Variants in CHERP observed in about 807,000 individuals in gnomAD.
CHERP encodes ERPROT 213-21.
Under a neutral mutation model 113.8 loss-of-function variants are expected in CHERP, and 8 were observed. The observed-to-expected ratio is 0.07, with a 90% CI of 0.04 to 0.13. The LOEUF is 0.13. CHERP is among the 10% of genes least tolerant of loss of function. The pLI, the probability that CHERP is intolerant of heterozygous loss-of-function variation, is 1.00. For missense variants in CHERP, 884 were observed against 1,298.2 expected (o/e 0.68, Z 4.90); for synonymous variants, 559 against 524.5 (o/e 1.07, Z -0.90).
In CHERP at chr19:16,518,162, G is replaced by A. The variant is rs574521135; in HGVS notation, c.*997C>T. On this transcript the variant is annotated 3_prime_UTR_variant, in exon 17 of 17. Transcript: ENST00000546361. ...ACACCAGGTGTGGCCGATTCCCAAC[G>A]GTCACCCACCAGCTTCTGGCAGGAG... The A allele has an allele frequency of 6.6e-6, 1 of 152,034 alleles. No homozygotes were observed. Among genetic ancestry groups the A allele is most frequent in the Non-Finnish European group, 1.5e-5 (1 of 68,012 alleles). 9.4% of individuals were successfully genotyped at this position (152,034 alleles called of 1,614,324 possible). A position where few individuals can be genotyped will look rare whatever the true frequency, so the allele number is the denominator to read the frequency against.
intron 8 of CHERP, among the ~76,000 whole-genome samples, chr19:16,529,018 C>T (rs1467641796): frequency 3.3e-5 from 5 of 152,186 alleles, no homozygotes; most frequent in Non-Finnish European, 7.3e-5. Flanking sequence ...ATTTCCGTGT[C>T]TTTTTCAGAA....
intron 2 of CHERP, among the ~76,000 whole-genome samples, chr19:16,537,648 C>A (rs536218863): frequency 1.3e-5 from 2 of 152,256 alleles, no homozygotes; most frequent in South Asian, 2.1e-4. Context: ...AGTGTCAAGG[C>A]GGCCTCCGAG....
At chr19:16,522,523 T>C (rs2122247667) in intron 11 of CHERP, among the ~76,000 whole-genome samples, 1 of 152,276 alleles carries the variant, frequency 6.6e-6, no homozygotes, top group African/African-American at 2.4e-5. Flanking sequence ...CCTCCCAAAG[T>C]GCTGGGATTA....
Position 16,529,709 on chromosome 19 carries a change from T to C in CHERP, c.1068A>G (p.Pro356=), listed in dbSNP as rs747599475. The C allele has an allele frequency of 1.3e-6, 2 of 1,591,990 alleles. No homozygotes were observed. The highest frequency in any genetic ancestry group is 1.7e-5 in the Admixed American group (1 of 57,358). Residue 356 remains proline (P), a synonymous_variant, in exon 8 of 17, where the codon CCA becomes CCG. Transcript: ENST00000546361. ...QMEAEVKATP[P]PPAPPPAPAP... is the part of the protein sequence containing the mutation. ...CTGGGGCCGGGGGTGGAGCAGGCGG[T>C]GGAGGCGTGGCCTTGACTTCAGCCT...
In CHERP at chr19:16,532,535, C is replaced by A. The variant is rs1599752441; in HGVS notation, c.674+63G>T. ...AGCTACCGACCGGAGCAAGCGGCCA[C>A]CCAGGAGGGTTGAGGAGGAGCGCGA... On this transcript the variant is annotated intron_variant, in intron 5 of 16. Coordinates refer to ENST00000546361, the MANE Select transcript of CHERP (RefSeq NM_006387.6). The surrounding 1 kb of genome is among the most constrained non-coding windows in gnomAD (Gnocchi z 4.4). 8 of 1,496,876 alleles carry A rather than the reference C, an allele frequency of 5.3e-6. No individual in the cohort carries two copies. The East Asian group carries it at 2.0e-4, about 37-fold the overall frequency. The allele number at this position is 1,496,876 out of a possible 1,614,324, so 92.7% of individuals were successfully genotyped here.
chr19:16,534,051 TC>T (rs1283134058), intron 3 of CHERP, among the ~76,000 whole-genome samples: 28 of 138,092 alleles, frequency 2.0e-4, no homozygotes, highest in African/African-American at 5.8e-4. Flanking sequence ...AACTTTCTTT[TC>T]TTTTCTTTTT....
rs554668877 is a variant in CHERP, at chr19:16,530,028, C to T, written c.877-128G>A. ...GGGGCAGGTGGACAGGGAACCGTCA[C>T]GTGAAACAGCCAACACAGTCTGGGC... On this transcript the variant is annotated intron_variant, in intron 7 of 16. Coordinates refer to ENST00000546361, the MANE Select transcript of CHERP (RefSeq NM_006387.6). The surrounding 1 kb of genome is among the most constrained non-coding windows in gnomAD (Gnocchi z 4.1). 1.1e-4 allele frequency: 139 copies of T among 1,217,474 alleles called. No homozygotes were observed. The highest frequency in any genetic ancestry group is 2.0e-4 in the East Asian group (8 of 39,108). The allele number at this position is 1,217,474 out of a possible 1,614,324, so 75.4% of individuals were successfully genotyped here. A position where few individuals can be genotyped will look rare whatever the true frequency, so the allele number is the denominator to read the frequency against.
At chr19:16,538,164 C>G (rs776637667) in intron 2 of CHERP, among the ~76,000 whole-genome samples, 1 of 152,030 alleles carries the variant, frequency 6.6e-6, no homozygotes, top group Non-Finnish European at 1.5e-5. Flanking sequence ...CGACTCCTCC[C>G]CAAGCCAGGC....
At position 16,520,984 on chromosome 19, in the gene CHERP, G is replaced by A. The variant is rs1030211103; in HGVS notation, c.2115-72C>T. The A allele has an allele frequency of 7.6e-7, 1 of 1,314,498 alleles. No homozygotes were observed. Among genetic ancestry groups the A allele is most frequent in the East Asian group, 2.3e-5 (1 of 43,532 alleles). The allele number at this position is 1,314,498 out of a possible 1,614,324, so 81.4% of individuals were successfully genotyped here. ...AAGGAAGTCGTGAAAAAGTCATCAG[G>A]AGTTAATCCACAGAACCTTGGAGAG... On this transcript the variant is annotated intron_variant, in intron 12 of 16. Coordinates refer to ENST00000546361, the MANE Select transcript of CHERP (RefSeq NM_006387.6). This position sits in a 1 kb window ranked among gnomAD's most constrained non-coding sequence, Gnocchi z 4.0.
In CHERP at chr19:16,519,446, G is replaced by A; in HGVS notation, c.2558-94C>T. Reference sequence around the variant, plus strand: ...ATGTCCAGACAGGCAGTGTAGACATGGGAAATGGGTAGAGAGAACCCGCAG... The same window carrying A: ...ATGTCCAGACAGGCAGTGTAGACATAGGAAATGGGTAGAGAGAACCCGCAG... On this transcript the variant is annotated intron_variant, in intron 16 of 16. Coordinates refer to ENST00000546361, the MANE Select transcript of CHERP (RefSeq NM_006387.6). The surrounding 1 kb of genome is among the most constrained non-coding windows in gnomAD (Gnocchi z 6.0). 2.2e-6 allele frequency: 3 copies of A among 1,394,678 alleles called. No individual in the cohort carries two copies. The South Asian group carries it at 3.8e-5, about 18-fold the overall frequency. 86.4% of individuals were successfully genotyped at this position (1,394,678 alleles called of 1,614,324 possible). A position where few individuals can be genotyped will look rare whatever the true frequency, so the allele number is the denominator to read the frequency against.
Position 16,528,176 on chromosome 19 carries a change from G to C in CHERP, c.1209C>G (p.Ala403=). The change falls in exon 9 of 17, where the codon GCC becomes GCG. Residue 403 remains alanine (A), a synonymous_variant. Transcript: ENST00000546361. ...CGTGTGGCCCGGGGCCCCGGGGGCCGGCAGCTGCAGGATCCTGGACCCCTC... is the reference window on the plus strand; with the variant it reads ...CGTGTGGCCCGGGGCCCCGGGGGCCCGCAGCTGCAGGATCCTGGACCCCTC... ...APGGVQDPAA[A]GPRGPGPHDQ... is the part of the protein sequence containing the mutation. 6.2e-7 allele frequency: 1 copy of C among 1,613,060 alleles called. No homozygotes were observed. Among genetic ancestry groups the C allele is most frequent in the Non-Finnish European group, 8.5e-7 (1 of 1,179,702 alleles).
intron 2 of CHERP, among the ~76,000 whole-genome samples, chr19:16,538,070 G>A (rs928521282): frequency 3.3e-5 from 5 of 152,070 alleles, no homozygotes; most frequent in Non-Finnish European, 7.4e-5. Context: ...GGCTAACCCA[G>A]CTTCACAACA....
In CHERP at chr19:16,542,346, G is replaced by C; in HGVS notation, c.25+8C>G. ...GAGAAACGGTCTCTCGGCCGGTTTGGGTCTCACCATCGGGGGGCAGCGGCA... is the reference window on the plus strand; with the variant it reads ...GAGAAACGGTCTCTCGGCCGGTTTGCGTCTCACCATCGGGGGGCAGCGGCA... On this transcript the variant is annotated splice_region_variant and intron_variant, in intron 1 of 16. Coordinates refer to ENST00000546361, the MANE Select transcript of CHERP (RefSeq NM_006387.6). The C allele has an allele frequency of 7.1e-7, 1 of 1,412,066 alleles. No individual in the cohort carries two copies. Among genetic ancestry groups the C allele is most frequent in the Non-Finnish European group, 9.3e-7 (1 of 1,078,584 alleles). The allele number at this position is 1,412,066 out of a possible 1,614,324, so 87.5% of individuals were successfully genotyped here.
In CHERP at chr19:16,519,595, G is replaced by A. The variant is rs759651151; in HGVS notation, c.2557+26C>T. On this transcript the variant is annotated intron_variant, in intron 16 of 16. Transcript: ENST00000546361. This position sits in a 1 kb window ranked among gnomAD's most constrained non-coding sequence, Gnocchi z 6.0. ...CCCAGCACGCGTGAGGACCCATCCC[G>A]CGCCCTCCCCATTCCCTCGCCTTAC... 14 of 1,596,914 alleles carry A rather than the reference G, an allele frequency of 8.8e-6. No individual in the cohort carries two copies. The highest frequency in any genetic ancestry group is 9.4e-6 in the Non-Finnish European group (11 of 1,164,608).
At position 16,523,033 on chromosome 19, in the gene CHERP, G is replaced by T. The variant is rs767078913; in HGVS notation, c.1980+19C>A. 6.7e-7 allele frequency: 1 copy of T among 1,498,990 alleles called. No homozygotes were observed. Among genetic ancestry groups the T allele is most frequent in the East Asian group, 2.6e-5 (1 of 38,958 alleles). 92.9% of individuals were successfully genotyped at this position (1,498,990 alleles called of 1,614,324 possible). A position where few individuals can be genotyped will look rare whatever the true frequency, so the allele number is the denominator to read the frequency against. ...GTATGGTAAGCGTGCTCAGCTTGGAGCCCACTGTGGGGCATTACCTTCACG... is the reference window on the plus strand; with the variant it reads ...GTATGGTAAGCGTGCTCAGCTTGGATCCCACTGTGGGGCATTACCTTCACG... On this transcript the variant is annotated intron_variant, in intron 11 of 16. Transcript: ENST00000546361. The surrounding 1 kb of genome is among the most constrained non-coding windows in gnomAD (Gnocchi z 4.0).
chr19:16,523,059 AG>A lies in CHERP; in HGVS notation c.1972del (p.Leu658SerfsTer2). 4 of 1,512,862 alleles carry A rather than the reference AG, an allele frequency of 2.6e-6. No individual in the cohort carries two copies. Among genetic ancestry groups the A allele is most frequent in the African/African-American group, 1.4e-5 (1 of 69,560 alleles). 93.7% of individuals were successfully genotyped at this position (1,512,862 alleles called of 1,614,324 possible). The stretch of plus-strand genomic sequence containing the variant: ...CCCACTGTGGGGCATTACCTTCACG[AG>A]GGGGGCCATCAGCCCAGCAGGGAGA... ...FDLPAGLMAP[L>X]VKLEDHEYKP... On this transcript the variant is annotated frameshift_variant, in exon 11 of 17. Coordinates refer to ENST00000546361, the MANE Select transcript of CHERP (RefSeq NM_006387.6). LOFTEE classifies it high-confidence loss of function. This position sits in a 1 kb window ranked among gnomAD's most constrained non-coding sequence, Gnocchi z 4.0.
In CHERP at chr19:16,530,385, A is replaced by C. The variant is rs533700851; in HGVS notation, c.876+200T>G. Among the ~76,000 whole-genome samples, 3 of 152,292 alleles carry C rather than the reference A, an allele frequency of 2.0e-5. No individual in the cohort carries two copies. In the South Asian group the frequency reaches 6.2e-4, roughly 32 times the overall value. On this transcript the variant is annotated intron_variant, in intron 7 of 16. Coordinates refer to ENST00000546361, the MANE Select transcript of CHERP (RefSeq NM_006387.6). This position sits in a 1 kb window ranked among gnomAD's most constrained non-coding sequence, Gnocchi z 4.1. ...GGCCGCCTGGTTCTAGTGTTCCAGG[A>C]AAGTCAGGGAGACACACCTAAGGCC... is the stretch of plus-strand genomic sequence containing the variant.
In CHERP at chr19:16,540,801, G is replaced by A. The variant is rs910962913; in HGVS notation, c.199+1069C>T. 2.6e-5 allele frequency among the ~76,000 whole-genome samples: 4 copies of A among 151,474 alleles called. No individual in the cohort carries two copies. In the East Asian group the frequency reaches 5.8e-4, roughly 22 times the overall value. ...CAACCTCCACCTCCCGGGTTCAAGCGATTCTCCCGCCTCAGCCTCCCAAGT... is the reference window on the plus strand; with the variant it reads ...CAACCTCCACCTCCCGGGTTCAAGCAATTCTCCCGCCTCAGCCTCCCAAGT... On this transcript the variant is annotated intron_variant, in intron 2 of 16. Coordinates refer to ENST00000546361, the MANE Select transcript of CHERP (RefSeq NM_006387.6).
intron 12 of CHERP, chr19:16,521,285 C>T (rs577875679): frequency 1.8e-4 from 103 of 568,880 alleles, no homozygotes; most frequent in South Asian, 1.6e-3. Flanking sequence ...CTGCTTGAGA[C>T]GTGCCGCCGT....
Sources: allele counts gnomAD v4.1 joint callset (sites outside exome capture counted in the v4.1 genomes callset), GRCh38; gene constraint gnomAD v4.1.1; non-coding constraint Gnocchi (gnomAD v3.1); transcripts MANE v1.5; gene names NCBI Gene and HGNC (gene_info 2026-07-23, HGNC 2026-07-21).